FMN1: variants seen among roughly 807,000 people sequenced by gnomAD.
The protein encoded by FMN1 is formin 1.
A neutral mutation model predicts 132.4 loss-of-function variants in FMN1; 110 were observed. The ratio of observed to expected loss-of-function variants is 0.83; its 90% CI spans 0.71 to 0.97. The LOEUF (loss-of-function observed/expected upper bound fraction) is 0.97, where lower values mean the gene tolerates loss of function less well. Among genes scored for constraint, FMN1 ranks in the 50% least tolerant of loss-of-function variants. The pLI is 0.00. For missense variants in FMN1, 1,792 were observed against 1,705.3 expected (o/e 1.05, Z -0.90); for synonymous variants, 722 against 651.7 (o/e 1.11, Z -1.64).
chr15:33,048,864 T>C (rs1437489714), intron 6 of FMN1, among the ~76,000 whole-genome samples: 1 of 152,006 alleles, frequency 6.6e-6, no homozygotes, highest in African/African-American at 2.4e-5. Flanking sequence ...TTCAACTATC[T>C]CCCACCAGGT....
intron 6 of FMN1, among the ~76,000 whole-genome samples, chr15:33,024,223 A>ATTTTTTTTTTTTTTTTTTTTTTTT (rs555760509): frequency 2.3e-5 from 2 of 87,940 alleles, no homozygotes; most frequent in African/African-American, 8.8e-5. Flanking sequence ...CACCTATCAG[A>ATTTTTTTTTTTTTTTTTTTTTTTT]TTTTTTTTTT....
chr15:32,966,465 A>G (rs994806552), intron 8 of FMN1, among the ~76,000 whole-genome samples: 1 of 152,158 alleles, frequency 6.6e-6, no homozygotes, highest in Non-Finnish European at 1.5e-5. Flanking sequence ...ATACAATTCT[A>G]GCTCAAAAGG....
chr15:32,770,933 T>G lies in FMN1; in HGVS notation c.*3377A>C, dbSNP rs16958630. On this transcript the variant is annotated 3_prime_UTR_variant, in exon 21 of 21. Coordinates refer to ENST00000616417, the MANE Select transcript of FMN1 (RefSeq NM_001277313.2). ...ACTGTTGGGCAGTAGGACCATCACC[T>G]ATGACCTCTGGGCCCCCACCGTCAT... 1 of 151,602 alleles carries G rather than the reference T, an allele frequency of 6.6e-6. No individual in the cohort carries two copies. The highest frequency in any genetic ancestry group is 1.5e-5 in the Non-Finnish European group (1 of 67,954). The allele number at this position is 151,602 out of a possible 1,614,324, so 9.4% of individuals were successfully genotyped here.
At chr15:33,018,148 G>C (rs748760406) in intron 6 of FMN1, among the ~76,000 whole-genome samples, 4 of 152,126 alleles carry the variant, frequency 2.6e-5, no homozygotes, top group Non-Finnish European at 1.5e-5. Flanking sequence ...TTTGGGAGGT[G>C]ATCAGGTCAT....
At position 33,029,422 on chromosome 15, in the gene FMN1, G is replaced by C. The variant is rs144462127; in HGVS notation, c.2162-21347C>G. ...AGAACTAGATGTTCTGAGGGAGATGGAAAATACTTGAAATAGCAGCTGTTG... is the reference window on the plus strand; with the variant it reads ...AGAACTAGATGTTCTGAGGGAGATGCAAAATACTTGAAATAGCAGCTGTTG... On this transcript the variant is annotated intron_variant, in intron 6 of 20. Coordinates refer to ENST00000616417, the MANE Select transcript of FMN1 (RefSeq NM_001277313.2). Among the ~76,000 whole-genome samples, 504 of 152,208 alleles carry C rather than the reference G, an allele frequency of 3.3e-3. 2 individuals carry two copies. Among genetic ancestry groups the C allele is most frequent in the African/African-American group, 0.012 (481 of 41,544 alleles).
chr15:33,029,089 T>C (rs1030337569), intron 6 of FMN1, among the ~76,000 whole-genome samples: 1 of 152,110 alleles, frequency 6.6e-6, no homozygotes, highest in Admixed American at 6.5e-5. Flanking sequence ...AATAATACCA[T>C]AAAAATCAGA....
chr15:33,078,754 C>T (rs187444631), intron 5 of FMN1, among the ~76,000 whole-genome samples: 17 of 152,194 alleles, frequency 1.1e-4, no homozygotes, highest in African/African-American at 3.6e-4. Flanking sequence ...CTAAATAGCT[C>T]ATATGGGTTG....
chr15:33,018,721 T>C (rs759457784), intron 6 of FMN1, among the ~76,000 whole-genome samples: 3 of 152,124 alleles, frequency 2.0e-5, no homozygotes, highest in African/African-American at 7.2e-5. Context: ...TTACGGTTCT[T>C]AAAGGTGGCG....
rs112329801 is a variant in FMN1, at chr15:33,049,218, A to AT, written c.2161+15738dup. ...GTGAGAACCTAACCAGAAAGGGGGA[A>AT]TTTTTTTTAAACAAAATTATGGGAG... is the stretch of plus-strand genomic sequence containing the variant. On this transcript the variant is annotated intron_variant, in intron 6 of 20. Coordinates refer to ENST00000616417, the MANE Select transcript of FMN1 (RefSeq NM_001277313.2). Among the ~76,000 whole-genome samples the AT allele has an allele frequency of 5.4e-3, 824 of 152,134 alleles. 9 individuals carry two copies. Among genetic ancestry groups the AT allele is most frequent in the African/African-American group, 0.017 (711 of 41,516 alleles).
chr15:33,083,990 T>G (rs1178174192), intron 5 of FMN1, among the ~76,000 whole-genome samples: 1 of 152,196 alleles, frequency 6.6e-6, no homozygotes, highest in East Asian at 1.9e-4. Flanking sequence ...ATGGTCATGT[T>G]GGGAAGTTTG....
intron 8 of FMN1, among the ~76,000 whole-genome samples, chr15:32,968,005 G>T (rs754806616): frequency 1.3e-5 from 2 of 152,240 alleles, no homozygotes; most frequent in Non-Finnish European, 2.9e-5. Context: ...AAATCTGTTT[G>T]AATGGATGTT....
chr15:32,833,918 A>G (rs1242879087), intron 17 of FMN1, among the ~76,000 whole-genome samples: 1 of 152,186 alleles, frequency 6.6e-6, no homozygotes, highest in East Asian at 1.9e-4. Flanking sequence ...TTCCTCCATA[A>G]GCCCAGACCT....
intron 16 of FMN1, among the ~76,000 whole-genome samples, chr15:32,867,824 T>C (rs948220139): frequency 3.3e-5 from 5 of 152,198 alleles, no homozygotes; most frequent in African/African-American, 1.2e-4. Context: ...CATTCTGTGA[T>C]GAGAGACCCT....
intron 6 of FMN1, among the ~76,000 whole-genome samples, chr15:33,028,420 G>A (rs1401637757): frequency 2.0e-5 from 3 of 151,866 alleles, no homozygotes; most frequent in African/African-American, 7.3e-5. Flanking sequence ...TAAAGGAACT[G>A]GGTTCTTCCT....
rs147517314 is a variant in FMN1 at position 32,885,703 on chromosome 15, C to T, written c.3835+2469G>A. Among the ~76,000 whole-genome samples, 396 of 152,248 alleles carry T rather than the reference C, an allele frequency of 2.6e-3. 2 individuals carry two copies. The highest frequency in any genetic ancestry group is 9.3e-3 in the African/African-American group (388 of 41,540). On this transcript the variant is annotated intron_variant, in intron 16 of 20. Coordinates refer to ENST00000616417, the MANE Select transcript of FMN1 (RefSeq NM_001277313.2). Reference sequence around the variant, plus strand: ...TAAAAATGCCATTCAAAGTTCTTGCCTCTCTGAAAGATGCTTAATGACAAC... The same window carrying T: ...TAAAAATGCCATTCAAAGTTCTTGCTTCTCTGAAAGATGCTTAATGACAAC...
chr15:32,984,865 T>C (rs887952283), intron 7 of FMN1, among the ~76,000 whole-genome samples: 1 of 151,876 alleles, frequency 6.6e-6, no homozygotes, highest in Non-Finnish European at 1.5e-5. Flanking sequence ...TGAAGTTTTG[T>C]TGACATTTTT....
At chr15:33,116,519 G>C (rs1370977031) in intron 4 of FMN1, among the ~76,000 whole-genome samples, 2 of 152,142 alleles carry the variant, frequency 1.3e-5, no homozygotes, top group Non-Finnish European at 2.9e-5. Context: ...TGTTCTGGGG[G>C]CTGATTCAAG....
chr15:33,125,177 T>C (rs925405554), intron 4 of FMN1, among the ~76,000 whole-genome samples: 3 of 152,200 alleles, frequency 2.0e-5, no homozygotes, highest in Non-Finnish European at 2.9e-5. Flanking sequence ...GATCCATCAC[T>C]TACTGTGAAT....
rs768613715 is a variant in FMN1, at chr15:32,898,918, T to C, written c.3655-25A>G. On this transcript the variant is annotated intron_variant, in intron 14 of 20. Transcript: ENST00000616417. ...CCTAGGTTTAAAAGAGAAATGTACA[T>C]GAAAATCATTCCCATGAGACTGTCA... 2.0e-6 allele frequency: 3 copies of C among 1,469,870 alleles called. No homozygotes were observed. In the East Asian group the frequency reaches 6.8e-5, roughly 33 times the overall value. The allele number at this position is 1,469,870 out of a possible 1,614,324, so 91.1% of individuals were successfully genotyped here. A position where few individuals can be genotyped will look rare whatever the true frequency, so the allele number is the denominator to read the frequency against.
Sources: allele counts gnomAD v4.1 joint callset (sites outside exome capture counted in the v4.1 genomes callset), GRCh38; gene constraint gnomAD v4.1.1; transcripts MANE v1.5; gene names NCBI Gene and HGNC (gene_info 2026-07-23, HGNC 2026-07-21).